The following CREB5 variants were observed in gnomAD, a reference collection of about 807,000 sequenced individuals.
CREB5 encodes cAMP responsive element binding protein 5.
A neutral mutation model predicts 57.1 loss-of-function variants in CREB5; 19 were observed. The observed-to-expected ratio is 0.33, with a 90% CI of 0.23 to 0.49. The LOEUF (loss-of-function observed/expected upper bound fraction) is 0.49, where lower values mean the gene tolerates loss of function less well. CREB5 is among the 20% of genes least tolerant of loss of function. The probability of loss-of-function intolerance (pLI) is 0.99; values close to 1 mark genes in which losing one functional copy is unlikely to be tolerated. For synonymous variants in CREB5, 238 were observed against 238.3 expected (o/e 1.00, Z 0.01); for missense variants, 579 against 671.6 (o/e 0.86, Z 1.52).
chr7:28,547,771 T>C (rs79234442), intron 4 of CREB5, among the ~76,000 whole-genome samples: 3,346 of 152,312 alleles, frequency 0.022, 129 homozygotes, highest in African/African-American at 0.076. Flanking sequence ...ATCTCTCGCA[T>C]TGTCATCTTT....
At chr7:28,800,404 G>A (rs1282625302) in intron 7 of CREB5, among the ~76,000 whole-genome samples, 1 of 152,224 alleles carries the variant, frequency 6.6e-6, no homozygotes, top group African/African-American at 2.4e-5. Flanking sequence ...AGAAAGGGCT[G>A]ACGGGAAGGC....
At chr7:28,725,394 A>G (rs1246962913) in intron 7 of CREB5, among the ~76,000 whole-genome samples, 5 of 152,222 alleles carry the variant, frequency 3.3e-5, no homozygotes, top group African/African-American at 1.2e-4. Context: ...CGAGGAATCA[A>G]CTGAGCTCCC....
At chr7:28,758,471 C>G (rs747609755) in intron 7 of CREB5, among the ~76,000 whole-genome samples, 54 of 152,086 alleles carry the variant, frequency 3.6e-4, no homozygotes, top group Non-Finnish European at 7.1e-4. Context: ...GAGGGAGGTC[C>G]GGTGGGGAAA....
chr7:28,605,050 A>G (rs1797077775), intron 5 of CREB5, among the ~76,000 whole-genome samples: 1 of 152,132 alleles, frequency 6.6e-6, no homozygotes, highest in South Asian at 2.1e-4. Context: ...TCATTAAAAA[A>G]AAGAGATAAC....
Position 28,626,653 on chromosome 7 carries a change from A to G in CREB5, c.464+56116A>G, listed in dbSNP as rs560522406. Among the ~76,000 whole-genome samples, 3 of 152,328 alleles carry G rather than the reference A, an allele frequency of 2.0e-5. 1 individual carries two copies. Among genetic ancestry groups the G allele is most frequent in the African/African-American group, 7.2e-5 (3 of 41,580 alleles). ...ATTTTATTGCTTCTAAAGAGCATTT[A>G]CTTACTCTTTTAAACGAGTGCAAAT... On this transcript the variant is annotated intron_variant, in intron 5 of 10. Transcript: ENST00000357727.
intron 2 of CREB5, 27 bp from the exon 3 acceptor site, chr7:28,494,879 C>T (rs540044957): frequency 2.3e-5 from 32 of 1,406,858 alleles, no homozygotes; most frequent in Non-Finnish European, 2.9e-5. Context: ...CTCTTCTCCC[C>T]TCCCTTTTTT....
chr7:28,598,012 G>GTATT (rs10659291), intron 5 of CREB5, among the ~76,000 whole-genome samples: 150,767 of 152,132 alleles, frequency 0.99, 74,727 homozygotes, highest in Middle Eastern at 1. Flanking sequence ...GAACTAGGAT[G>GTATT]TATTTATGAA....
chr7:28,459,526 T>C (rs1562731249), intron 1 of CREB5, among the ~76,000 whole-genome samples: 1 of 152,204 alleles, frequency 6.6e-6, no homozygotes, highest in Non-Finnish European at 1.5e-5. Flanking sequence ...AATCTTGCCA[T>C]TATGAGTTAG....
intron 1 of CREB5, among the ~76,000 whole-genome samples, chr7:28,484,867 T>A (rs1357168336): frequency 6.6e-6 from 1 of 152,180 alleles, no homozygotes; most frequent in Non-Finnish European, 1.5e-5. Flanking sequence ...AAACATATCA[T>A]CCACATCATG....
At chr7:28,660,958 G>A (rs1406521439) in intron 5 of CREB5, among the ~76,000 whole-genome samples, 1 of 151,996 alleles carries the variant, frequency 6.6e-6, no homozygotes, top group East Asian at 1.9e-4. Flanking sequence ...AACCACTTTG[G>A]CAATTTCTTG....
chr7:28,300,219 T>C (rs1330022516), intron 1 of CREB5, among the ~76,000 whole-genome samples: 1 of 152,132 alleles, frequency 6.6e-6, no homozygotes, highest in Admixed American at 6.5e-5. Context: ...CCTCATATGG[T>C]GCTAGTTCTC....
At position 28,778,719 on chromosome 7, in the gene CREB5, A is replaced by G. The variant is rs144334617; in HGVS notation, c.703-25480A>G. Among the ~76,000 whole-genome samples the G allele has an allele frequency of 6.3e-3, 960 of 152,344 alleles. 10 individuals carry two copies. The highest frequency in any genetic ancestry group is 0.022 in the African/African-American group (903 of 41,578). On this transcript the variant is annotated intron_variant, in intron 7 of 10. Coordinates refer to ENST00000357727, the MANE Select transcript of CREB5 (RefSeq NM_182898.4). Reference sequence around the variant, plus strand: ...GGCATAGAGGGCAAAGATCACTATTATAATTAATTAATAGGATCCAGAATA... The same window carrying G: ...GGCATAGAGGGCAAAGATCACTATTGTAATTAATTAATAGGATCCAGAATA...
At chr7:28,788,596 G>A (rs986543393) in intron 7 of CREB5, among the ~76,000 whole-genome samples, 1 of 152,136 alleles carries the variant, frequency 6.6e-6, no homozygotes, top group Admixed American at 6.5e-5. Context: ...TATTCTTACC[G>A]TGCACAAAGT....
intron 5 of CREB5, among the ~76,000 whole-genome samples, chr7:28,656,625 C>G (rs115946401): frequency 1.3e-5 from 2 of 152,160 alleles, no homozygotes; most frequent in African/African-American, 4.8e-5. Context: ...TTTGCACTTT[C>G]AACAGTTGTC....
Position 28,430,882 on chromosome 7 carries a change from G to C in CREB5, c.3+17965G>C, listed in dbSNP as rs566191219. 2.0e-5 allele frequency among the ~76,000 whole-genome samples: 3 copies of C among 152,224 alleles called. No homozygotes were observed. In the South Asian group the frequency reaches 6.2e-4, roughly 32 times the overall value. On this transcript the variant is annotated intron_variant, in intron 1 of 10. Transcript: ENST00000357727. ...AGGCAGTGATCAAGATACCTGCCAG[G>C]GCTGTAGTCACCTCAAACCTCAGTG...
At chr7:28,345,494 G>A (rs748008018) in intron 1 of CREB5, among the ~76,000 whole-genome samples, 1 of 152,102 alleles carries the variant, frequency 6.6e-6, no homozygotes, top group Non-Finnish European at 1.5e-5. Flanking sequence ...GGGATGGGGT[G>A]AATGGTGCTG....
chr7:28,320,773 C>A (rs565792203), intron 1 of CREB5, among the ~76,000 whole-genome samples: 1 of 152,314 alleles, frequency 6.6e-6, no homozygotes, highest in South Asian at 2.1e-4. Context: ...CTTCCATTAG[C>A]TGTGGATTAC....
rs141792531 is a variant in CREB5, at chr7:28,795,567, G to A, written c.703-8632G>A. On this transcript the variant is annotated intron_variant, in intron 7 of 10. Coordinates refer to ENST00000357727, the MANE Select transcript of CREB5 (RefSeq NM_182898.4). The stretch of plus-strand genomic sequence containing the variant: ...TAGGGCAAATATCTTTTTGGTCTTC[G>A]TTGTTTCATAATACAGTGTTTCGCA... Among the ~76,000 whole-genome samples, 490 of 152,158 alleles carry A rather than the reference G, an allele frequency of 3.2e-3. 5 individuals carry two copies. Among genetic ancestry groups the A allele is most frequent in the African/African-American group, 0.01 (432 of 41,520 alleles).
chr7:28,699,910 A>G (rs572254353), intron 5 of CREB5, among the ~76,000 whole-genome samples: 1 of 152,304 alleles, frequency 6.6e-6, no homozygotes, highest in South Asian at 2.1e-4. Flanking sequence ...AGAACAGTCT[A>G]TCAAATGGTT....
Sources: allele counts gnomAD v4.1 joint callset (sites outside exome capture counted in the v4.1 genomes callset), GRCh38; gene constraint gnomAD v4.1.1; transcripts MANE v1.5; gene names NCBI Gene and HGNC (gene_info 2026-07-23, HGNC 2026-07-21).